The following LYRM4 variants were observed in gnomAD, a reference collection of about 807,000 sequenced individuals.
LYRM4 encodes LYR motif-containing protein 4.
A neutral mutation model predicts 11.7 loss-of-function variants in LYRM4; 9 were observed. The observed-to-expected ratio is 0.77, with a 90% CI of 0.46 to 1.34. The LOEUF (loss-of-function observed/expected upper bound fraction) is 1.34. Among genes scored for constraint, LYRM4 ranks in the 40% most tolerant of loss-of-function variants. LYRM4 has a pLI of 0.00. For missense variants in LYRM4, 133 were observed against 112.5 expected (o/e 1.18, Z -0.82); for synonymous variants, 42 against 40.4 (o/e 1.04, Z -0.15).
the LYRM4 span, among the ~76,000 whole-genome samples, chr6:5,054,632 G>A: frequency 7.2e-5 from 11 of 152,246 alleles, no homozygotes; most frequent in African/African-American, 2.4e-4. Flanking sequence ...TCTTGGCCAA[G>A]AAGGATTCCA....
intron 1 of LYRM4, among the ~76,000 whole-genome samples, chr6:5,254,932 G>A (rs531189179): frequency 1.4e-4 from 21 of 152,152 alleles, no homozygotes; most frequent in Admixed American, 1.3e-4. Flanking sequence ...AGCAATTTAC[G>A]CACTTCTGAT....
At chr6:5,237,597 G>A (rs1309985483) in intron 1 of LYRM4, among the ~76,000 whole-genome samples, 2 of 152,074 alleles carry the variant, frequency 1.3e-5, no homozygotes, top group Non-Finnish European at 1.5e-5. Context: ...CCAGTCCCTG[G>A]TGCCAAAAAG....
intron 2 of LYRM4, among the ~76,000 whole-genome samples, chr6:5,173,300 A>G (rs1346363410): frequency 6.6e-6 from 1 of 152,222 alleles, no homozygotes; most frequent in Non-Finnish European, 1.5e-5. Context: ...TGCTCACTAT[A>G]CATGGAGCTA....
chr6:5,038,606 G>C, the LYRM4 span, among the ~76,000 whole-genome samples: 1 of 64,750 alleles, frequency 1.5e-5, no homozygotes, highest in Non-Finnish European at 3.8e-5. Context: ...ATTGAGCACC[G>C]AGTGAACGAG....
intron 2 of LYRM4, among the ~76,000 whole-genome samples, chr6:5,134,643 G>A (rs58060009): frequency 0.098 from 14,917 of 152,248 alleles, 785 homozygotes; most frequent in Middle Eastern, 0.16. Context: ...ATGGGTAGGC[G>A]TAAGGATGAA....
chr6:5,148,004 C>T (rs2127634592), intron 2 of LYRM4, among the ~76,000 whole-genome samples: 1 of 152,266 alleles, frequency 6.6e-6, no homozygotes. Context: ...AGTTCCAGAA[C>T]ACACCAAGCT....
At chr6:5,183,938 A>C (rs760662894) in intron 2 of LYRM4, among the ~76,000 whole-genome samples, 11 of 152,280 alleles carry the variant, frequency 7.2e-5, no homozygotes, top group Non-Finnish European at 1.3e-4. Flanking sequence ...ACAAATGGTA[A>C]GTATGTGAAG....
At chr6:5,032,897 C>T in the LYRM4 span, 1,756 of 152,918 alleles carry the variant, frequency 0.011, 31 homozygotes, top group African/African-American at 0.04. Flanking sequence ...TCCCTCCACA[C>T]CCTCCTGCTT....
chr6:5,151,304 C>G (rs1298766993), intron 2 of LYRM4, among the ~76,000 whole-genome samples: 1 of 152,112 alleles, frequency 6.6e-6, no homozygotes, highest in Non-Finnish European at 1.5e-5. Context: ...AGGATGGTCT[C>G]TATCTGTTGA....
intron 1 of LYRM4, among the ~76,000 whole-genome samples, chr6:5,227,653 T>A (rs1762971320): frequency 6.6e-6 from 1 of 152,182 alleles, no homozygotes; most frequent in Non-Finnish European, 1.5e-5. Context: ...CAAAGGATTA[T>A]AAATCATTCT....
chr6:5,191,162 C>G lies in LYRM4; in HGVS notation c.207+25456G>C, dbSNP rs531428229. On this transcript the variant is annotated intron_variant, in intron 2 of 2. Transcript: ENST00000330636. ...GGGGAAACAATAAACAAATGATAAG[C>G]TATACAATGAAATACTGGAAGCTAT... Among the ~76,000 whole-genome samples the G allele has an allele frequency of 3.3e-5, 5 of 152,124 alleles. No individual in the cohort carries two copies. In the East Asian group the frequency reaches 7.7e-4, roughly 23 times the overall value.
chr6:5,122,199 T>C (rs1561811214), intron 2 of LYRM4, among the ~76,000 whole-genome samples: 1 of 152,214 alleles, frequency 6.6e-6, no homozygotes, highest in Non-Finnish European at 1.5e-5. Context: ...TGGTTTTGCC[T>C]GTCACCTTCA....
the LYRM4 span, among the ~76,000 whole-genome samples, chr6:5,083,067 C>T: frequency 2.0e-5 from 3 of 152,148 alleles, no homozygotes; most frequent in African/African-American, 7.2e-5. Context: ...GCATTTCCAC[C>T]GCACAGAGGA....
chr6:5,191,719 A>G (rs1760765876), intron 2 of LYRM4, among the ~76,000 whole-genome samples: 1 of 152,200 alleles, frequency 6.6e-6, no homozygotes, highest in Non-Finnish European at 1.5e-5. Context: ...CCACTGAGTG[A>G]AAGGTTGTTG....
intron 2 of LYRM4, among the ~76,000 whole-genome samples, chr6:5,170,325 T>C (rs1008627530): frequency 4.6e-5 from 7 of 152,166 alleles, no homozygotes; most frequent in African/African-American, 1.7e-4. Context: ...CTGAAATCCA[T>C]GGATTAGGTC....
At chr6:5,259,824 T>C (rs1301928219) in intron 1 of LYRM4, among the ~76,000 whole-genome samples, 1 of 149,360 alleles carries the variant, frequency 6.7e-6, no homozygotes. Flanking sequence ...AAAAAACAAA[T>C]CTAAAAAAAA....
In LYRM4 at chr6:5,110,791, G is replaced by A. The variant is rs570436538; in HGVS notation, c.208-1300C>T. On this transcript the variant is annotated intron_variant, in intron 2 of 2. Coordinates refer to ENST00000330636, the MANE Select transcript of LYRM4 (RefSeq NM_020408.6). ...GAGCTTTGCTACTGTGTCTTCAGTC[G>A]TCCTTTCCTCTCATTAATATAGAGA... 2.0e-5 allele frequency among the ~76,000 whole-genome samples: 3 copies of A among 152,280 alleles called. No individual in the cohort carries two copies. The East Asian group carries it at 5.8e-4, about 29-fold the overall frequency.
intron 2 of LYRM4, among the ~76,000 whole-genome samples, chr6:5,123,268 C>G (rs1763544602): frequency 6.6e-6 from 1 of 152,188 alleles, no homozygotes; most frequent in Non-Finnish European, 1.5e-5. Context: ...GGCAGCAGCT[C>G]TGTTCCCAGA....
Position 5,245,152 on chromosome 6 carries a change from ATATATATATAT to A in LYRM4, c.86+15485_86+15495del, listed in dbSNP as rs1420995183. Reference sequence around the variant, plus strand: ...TATATATATATATATATATATATATATATATATATATAAAATAGGTGAATTTCTGGAACAAA... The same window carrying A: ...TATATATATATATATATATATATATAAAAATAGGTGAATTTCTGGAACAAA... On this transcript the variant is annotated intron_variant, in intron 1 of 2. Transcript: ENST00000330636. Among the ~76,000 whole-genome samples the A allele has an allele frequency of 3.8e-4, 40 of 104,142 alleles. 1 individual carries two copies. The highest frequency in any genetic ancestry group is 7.1e-4 in the South Asian group (2 of 2,818). 68.3% of individuals were successfully genotyped at this position (104,142 alleles called of 152,430 possible). A position where few individuals can be genotyped will look rare whatever the true frequency, so the allele number is the denominator to read the frequency against.
Sources: allele counts gnomAD v4.1 joint callset (sites outside exome capture counted in the v4.1 genomes callset), GRCh38; gene constraint gnomAD v4.1.1; transcripts MANE v1.5; gene names NCBI Gene and HGNC (gene_info 2026-07-23, HGNC 2026-07-21).